USP5: variants seen among roughly 807,000 people sequenced by gnomAD.
USP5 encodes ubiquitin specific peptidase 5, also known as ubiquitin carboxyl-terminal hydrolase 5.
Under a neutral mutation model 102.5 loss-of-function variants are expected in USP5, and 24 were observed. That is an observed-to-expected ratio of 0.23 (90% CI 0.17 to 0.33). The LOEUF is 0.33. USP5 is among the 10% of genes least tolerant of loss of function. USP5 has a pLI of 1.00. For missense variants in USP5, 753 were observed against 1,122.1 expected (o/e 0.67, Z 4.70); for synonymous variants, 460 against 434.8 (o/e 1.06, Z -0.72).
chr12:6,854,739 C>A (rs1944057226), intron 1 of USP5, among the ~76,000 whole-genome samples: 1 of 151,882 alleles, frequency 6.6e-6, no homozygotes, highest in African/African-American at 2.4e-5. Context: ...GCCTGGGTGA[C>A]AGAGTGCAGT....
At chr12:6,859,572 G>T (rs1249963062) in intron 9 of USP5, 31 bp downstream of exon 9, 5 of 1,609,912 alleles carry the variant, frequency 3.1e-6, no homozygotes, top group Non-Finnish European at 4.3e-6. Flanking sequence ...TAGGAAAGCT[G>T]TTGACAGTCA....
In USP5 at chr12:6,858,790, G is replaced by A. The variant is rs538768569; in HGVS notation, c.1058+173G>A. The A allele has an allele frequency of 2.0e-4, 115 of 562,402 alleles. No homozygotes were observed. Among genetic ancestry groups the A allele is most frequent in the Non-Finnish European group, 3.0e-4 (98 of 331,726 alleles). The allele number at this position is 562,402 out of a possible 1,614,324, so 34.8% of individuals were successfully genotyped here. A position where few individuals can be genotyped will look rare whatever the true frequency, so the allele number is the denominator to read the frequency against. The stretch of plus-strand genomic sequence containing the variant: ...TCCCAGTACTTCGGGAGGCCAAGAT[G>A]GGAGAATTGCTTGAGCCCAGGAGGT... On this transcript the variant is annotated intron_variant, in intron 8 of 19. Coordinates refer to ENST00000229268, the MANE Select transcript of USP5 (RefSeq NM_001098536.2). This position sits in a 1 kb window ranked among gnomAD's most constrained non-coding sequence, Gnocchi z 4.2.
In USP5 at chr12:6,860,129, G is replaced by A. The variant is rs1555129192; in HGVS notation, c.1131-22G>A. On this transcript the variant is annotated intron_variant, in intron 9 of 19. Transcript: ENST00000229268. This position sits in a 1 kb window ranked among gnomAD's most constrained non-coding sequence, Gnocchi z 5.5. ...GGTCGTTAGTTGACTGAAGTGAAAT[G>A]TTTTCTTGGATATTAATGCAGGGCC... is the stretch of plus-strand genomic sequence containing the variant. 6.2e-7 allele frequency: 1 copy of A among 1,607,616 alleles called. No individual in the cohort carries two copies. Among genetic ancestry groups the A allele is most frequent in the Non-Finnish European group, 8.5e-7 (1 of 1,178,240 alleles).
rs530017359 is a variant in USP5 at position 6,860,108 on chromosome 12, G to A, written c.1131-43G>A. 121 of 1,601,590 alleles carry A rather than the reference G, an allele frequency of 7.6e-5. No homozygotes were observed. The highest frequency in any genetic ancestry group is 9.0e-5 in the Non-Finnish European group (106 of 1,175,370). The stretch of plus-strand genomic sequence containing the variant: ...GGTTGAGCTGGGGACACACAGGGTC[G>A]TTAGTTGACTGAAGTGAAATGTTTT... On this transcript the variant is annotated intron_variant, in intron 9 of 19. Coordinates refer to ENST00000229268, the MANE Select transcript of USP5 (RefSeq NM_001098536.2). This position sits in a 1 kb window ranked among gnomAD's most constrained non-coding sequence, Gnocchi z 5.5.
chr12:6,862,179 C>G (rs1944298163), intron 13 of USP5, among the ~76,000 whole-genome samples: 1 of 151,742 alleles, frequency 6.6e-6, no homozygotes, highest in South Asian at 2.1e-4. Flanking sequence ...CTCCTGGGCT[C>G]AAGCAGTCGT....
chr12:6,855,736 C>T lies in USP5; in HGVS notation c.238-19C>T. On this transcript the variant is annotated intron_variant, in intron 2 of 19. Coordinates refer to ENST00000229268, the MANE Select transcript of USP5 (RefSeq NM_001098536.2). This position sits in a 1 kb window ranked among gnomAD's most constrained non-coding sequence, Gnocchi z 4.6. Reference sequence around the variant, plus strand: ...CGCTCGTGCTCATTGCTGATCCAGCCCTTCCTGCTTCTTTACAGAAAGAGG... The same window carrying T: ...CGCTCGTGCTCATTGCTGATCCAGCTCTTCCTGCTTCTTTACAGAAAGAGG... The T allele has an allele frequency of 1.2e-6, 2 of 1,614,136 alleles. No homozygotes were observed. Among genetic ancestry groups the T allele is most frequent in the Non-Finnish European group, 1.7e-6 (2 of 1,179,994 alleles).
At position 6,855,954 on chromosome 12, in the gene USP5, C is replaced by G. The variant is rs752040428; in HGVS notation, c.305-63C>G. ...GGATGGGGCAAGTGAGGTGCTGGCT[C>G]GGAGGAGGGACATTGACCTGTTGTC... On this transcript the variant is annotated intron_variant, in intron 3 of 19. Transcript: ENST00000229268. This position sits in a 1 kb window ranked among gnomAD's most constrained non-coding sequence, Gnocchi z 4.6. 1.2e-6 allele frequency: 2 copies of G among 1,606,988 alleles called. No individual in the cohort carries two copies. The highest frequency in any genetic ancestry group is 1.7e-6 in the Non-Finnish European group (2 of 1,174,820).
chr12:6,860,896 A>T lies in USP5; in HGVS notation c.1345-57A>T. ...TCCCTGACTCTCCCATGAACCTTTC[A>T]GGCCCCATTCTGTTCCCTGGCTGCC... On this transcript the variant is annotated intron_variant, in intron 11 of 19. Coordinates refer to ENST00000229268, the MANE Select transcript of USP5 (RefSeq NM_001098536.2). This position sits in a 1 kb window ranked among gnomAD's most constrained non-coding sequence, Gnocchi z 5.5. The T allele has an allele frequency of 1.9e-6, 3 of 1,603,282 alleles. No homozygotes were observed. Among genetic ancestry groups the T allele is most frequent in the Non-Finnish European group, 1.7e-6 (2 of 1,173,486 alleles).
At position 6,864,314 on chromosome 12, in the gene USP5, C is replaced by A; in HGVS notation, c.2244+119C>A. 7.2e-7 allele frequency: 1 copy of A among 1,388,382 alleles called. No individual in the cohort carries two copies. The highest frequency in any genetic ancestry group is 9.5e-7 in the Non-Finnish European group (1 of 1,055,850). The allele number at this position is 1,388,382 out of a possible 1,614,324, so 86.0% of individuals were successfully genotyped here. A position where few individuals can be genotyped will look rare whatever the true frequency, so the allele number is the denominator to read the frequency against. On this transcript the variant is annotated intron_variant, in intron 17 of 19. Transcript: ENST00000229268. The surrounding 1 kb of genome is among the most constrained non-coding windows in gnomAD (Gnocchi z 4.8). ...GGTGTGGTCTGGCCGAGGTTGGGCACCACTCTTTTGTGGCTGCGATGAAGG... is the reference window on the plus strand; with the variant it reads ...GGTGTGGTCTGGCCGAGGTTGGGCAACACTCTTTTGTGGCTGCGATGAAGG...
Position 6,864,257 on chromosome 12 carries a change from GC to G in USP5, c.2244+64del. 6.6e-7 allele frequency: 1 copy of G among 1,517,350 alleles called. No individual in the cohort carries two copies. The highest frequency in any genetic ancestry group is 1.3e-5 in the South Asian group (1 of 77,570). The allele number at this position is 1,517,350 out of a possible 1,614,324, so 94.0% of individuals were successfully genotyped here. ...GGGAAGAAGGGGGTGGGAATGAGGG[GC>G]CATCCTTCTTGAGCAAGACCAAAGA... On this transcript the variant is annotated intron_variant, in intron 17 of 19. Coordinates refer to ENST00000229268, the MANE Select transcript of USP5 (RefSeq NM_001098536.2). This position sits in a 1 kb window ranked among gnomAD's most constrained non-coding sequence, Gnocchi z 4.8.
chr12:6,856,832 A>T lies in USP5; in HGVS notation c.710A>T (p.Tyr237Phe). Residue 237 changes from tyrosine to phenylalanine, a missense_variant, in exon 6 of 20, where the codon TAC becomes TTC. By Grantham distance (22) the Tyr-to-Phe change is conservative (BLOSUM62 3). Around this residue, in one of 3 missense-constraint regions of USP5, gnomAD observed 527 missense variants for 816.5 expected, o/e 0.65. Transcript: ENST00000229268. This position sits in a 1 kb window ranked among gnomAD's most constrained non-coding sequence, Gnocchi z 5.6. ...GGCAACAACCACGCTGTGGAGCACT[A>T]CCGAGAGACAGGCTACCCGTTAGCT... is the stretch of plus-strand genomic sequence containing the variant. ...SGGNNHAVEH[Y>F]RETGYPLAVK... 6.2e-7 allele frequency: 1 copy of T among 1,614,126 alleles called. No homozygotes were observed. The highest frequency in any genetic ancestry group is 8.5e-7 in the Non-Finnish European group (1 of 1,180,004).
At chr12:6,852,361 G>A (rs1591601739) in intron 1 of USP5, 71 bp downstream of exon 1, 1 of 1,466,950 alleles carries the variant, frequency 6.8e-7, no homozygotes, top group Non-Finnish European at 9.3e-7. Context: ...GCTGGGGCCT[G>A]CAAGGCTTGG....
Position 6,858,712 on chromosome 12 carries a change from T to C in USP5, c.1058+95T>C, listed in dbSNP as rs149461149. 33 of 1,220,524 alleles carry C rather than the reference T, an allele frequency of 2.7e-5. No homozygotes were observed. In the African/African-American group the frequency reaches 4.9e-4, roughly 18 times the overall value. The allele number at this position is 1,220,524 out of a possible 1,614,324, so 75.6% of individuals were successfully genotyped here. A position where few individuals can be genotyped will look rare whatever the true frequency, so the allele number is the denominator to read the frequency against. On this transcript the variant is annotated intron_variant, in intron 8 of 19. Coordinates refer to ENST00000229268, the MANE Select transcript of USP5 (RefSeq NM_001098536.2). The surrounding 1 kb of genome is among the most constrained non-coding windows in gnomAD (Gnocchi z 4.2). ...CTTCCCTCAGCACCTCTGTGTTTGA[T>C]TCTAGTCTTAGAGTAGTTCCTATCG... is the stretch of plus-strand genomic sequence containing the variant.
At chr12:6,857,158 G>A (rs1944141249) in intron 6 of USP5, among the ~76,000 whole-genome samples, 1 of 152,054 alleles carries the variant, frequency 6.6e-6, no homozygotes, top group Non-Finnish European at 1.5e-5. Context: ...GCTGGGTGTG[G>A]TAGCTCCTGC....
rs1327296548 is a variant in USP5, at chr12:6,863,491, C to T, written c.1954+114C>T. ...TCCTGTCCTCCCTTTCAAATTTCCT[C>T]TGCCCTCTTTGATTGACATGGGGCC... On this transcript the variant is annotated intron_variant, in intron 15 of 19. Transcript: ENST00000229268. This position sits in a 1 kb window ranked among gnomAD's most constrained non-coding sequence, Gnocchi z 4.7. The T allele has an allele frequency of 1.1e-4, 152 of 1,339,326 alleles. No individual in the cohort carries two copies. The highest frequency in any genetic ancestry group is 1.5e-4 in the Non-Finnish European group (145 of 972,306). 83.0% of individuals were successfully genotyped at this position (1,339,326 alleles called of 1,614,324 possible). A position where few individuals can be genotyped will look rare whatever the true frequency, so the allele number is the denominator to read the frequency against.
At chr12:6,865,123 C>G (rs370281885) in intron 18 of USP5, 41 bp from the exon 19 acceptor site, 64 of 1,549,760 alleles carry the variant, frequency 4.1e-5, no homozygotes, top group Non-Finnish European at 3.8e-5. Flanking sequence ...TCAAGCATTC[C>G]TCTTCTGTTT....
Position 6,860,881 on chromosome 12 carries a change from T to C in USP5, c.1345-72T>C. On this transcript the variant is annotated intron_variant, in intron 11 of 19. Coordinates refer to ENST00000229268, the MANE Select transcript of USP5 (RefSeq NM_001098536.2). This position sits in a 1 kb window ranked among gnomAD's most constrained non-coding sequence, Gnocchi z 5.5. ...GTAGTCTGCCTTCTCTCCCTGACTC[T>C]CCCATGAACCTTTCAGGCCCCATTC... 1 of 1,581,932 alleles carries C rather than the reference T, an allele frequency of 6.3e-7. No homozygotes were observed. Among genetic ancestry groups the C allele is most frequent in the Non-Finnish European group, 8.6e-7 (1 of 1,160,372 alleles).
Position 6,864,945 on chromosome 12 carries a change from CA to C in USP5, c.2398+71del. The C allele has an allele frequency of 6.4e-7, 1 of 1,559,818 alleles. No homozygotes were observed. ...AGTCTACTACACCAGATCCCTCATT[CA>C]GGCAGCTCTGCCCTCCTCAGGAGTC... On this transcript the variant is annotated intron_variant, in intron 18 of 19. Transcript: ENST00000229268. This position sits in a 1 kb window ranked among gnomAD's most constrained non-coding sequence, Gnocchi z 4.8.
At chr12:6,862,596 G>T in intron 14 of USP5, 38 bp downstream of exon 14, 1 of 1,590,220 alleles carries the variant, frequency 6.3e-7, no homozygotes, top group East Asian at 2.2e-5. Context: ...CACAGAAAAT[G>T]CTAGAAAAAG....
Sources: allele counts gnomAD v4.1 joint callset (sites outside exome capture counted in the v4.1 genomes callset), GRCh38; gene constraint gnomAD v4.1.1; regional missense constraint gnomAD v4.1.1; non-coding constraint Gnocchi (gnomAD v3.1); transcripts MANE v1.5; gene names NCBI Gene and HGNC (gene_info 2026-07-23, HGNC 2026-07-21).